Variants in MYO16 observed in about 807,000 individuals in gnomAD.
The protein encoded by MYO16 is myosin XVI.
A neutral mutation model predicts 205.3 loss-of-function variants in MYO16; 94 were observed. The ratio of observed to expected loss-of-function variants is 0.46; its 90% CI spans 0.39 to 0.54. MYO16 has a LOEUF of 0.54. Among genes scored for constraint, MYO16 ranks in the 20% least tolerant of loss-of-function variants. MYO16 has a pLI of 0.00. For missense variants in MYO16, 2,315 were observed against 2,387.5 expected, an observed-to-expected ratio of 0.97 and a Z score of 0.63; for synonymous variants, 988 against 954.0, an observed-to-expected ratio of 1.04 and a Z score of -0.66.
At chr13:108,674,006 C>A (rs1926495) in intron 2 of MYO16, among the ~76,000 whole-genome samples, 1 of 152,078 alleles carries the variant, frequency 6.6e-6, no homozygotes, top group African/African-American at 2.4e-5. Context: ...TATCAACTGT[C>A]TGCGTGTCAT....
intron 4 of MYO16, among the ~76,000 whole-genome samples, chr13:108,745,690 A>G (rs115511352): frequency 6.6e-6 from 1 of 151,482 alleles, no homozygotes; most frequent in Admixed American, 6.6e-5. Flanking sequence ...TTGAAGATAT[A>G]AAAAAAACAT....
At chr13:108,911,309 A>G (rs1226481302) in intron 16 of MYO16, among the ~76,000 whole-genome samples, 5 of 152,138 alleles carry the variant, frequency 3.3e-5, no homozygotes, top group Non-Finnish European at 7.3e-5. Context: ...ACAGGTTGGT[A>G]ATAGTTGAGG....
intron 32 of MYO16, among the ~76,000 whole-genome samples, chr13:109,147,208 G>T (rs1489734700): frequency 6.6e-6 from 1 of 151,996 alleles, no homozygotes; most frequent in East Asian, 1.9e-4. Flanking sequence ...ATTATATCAG[G>T]TAGAACTAAC....
At chr13:109,189,545 C>A (rs1304963751) in intron 34 of MYO16, among the ~76,000 whole-genome samples, 1 of 152,044 alleles carries the variant, frequency 6.6e-6, no homozygotes, top group Admixed American at 6.5e-5. Flanking sequence ...TTCAGTCTAC[C>A]CTGGTCAACC....
At chr13:108,655,061 A>G (rs975816857) in intron 1 of MYO16, among the ~76,000 whole-genome samples, 1 of 152,248 alleles carries the variant, frequency 6.6e-6, no homozygotes, top group Non-Finnish European at 1.5e-5. Flanking sequence ...AAGAAATTCA[A>G]GCTGACTGCA....
chr13:108,841,252 A>T (rs1594335609), intron 9 of MYO16, among the ~76,000 whole-genome samples: 1 of 152,336 alleles, frequency 6.6e-6, no homozygotes, highest in East Asian at 1.9e-4. Context: ...GAGAGTCCCA[A>T]AGTAAACCCA....
chr13:108,549,548 A>T, the MYO16 span, among the ~76,000 whole-genome samples: 1 of 152,172 alleles, frequency 6.6e-6, no homozygotes, highest in Non-Finnish European at 1.5e-5. Flanking sequence ...AATGCAACAT[A>T]AATAGAGTAA....
chr13:108,818,439 AAC>A (rs1875763860), intron 7 of MYO16, among the ~76,000 whole-genome samples: 2 of 148,360 alleles, frequency 1.3e-5, no homozygotes, highest in Admixed American at 1.3e-4. Flanking sequence ...TAATAAAACA[AAC>A]ACAATAATAA....
rs1883650812 is a variant in MYO16, at chr13:108,709,744, A to G, written c.293-2917A>G. Among the ~76,000 whole-genome samples, 3 of 135,176 alleles carry G rather than the reference A, an allele frequency of 2.2e-5. 1 individual carries two copies. The highest frequency in any genetic ancestry group is 4.9e-5 in the Non-Finnish European group (3 of 61,712). 88.7% of individuals were successfully genotyped at this position (135,176 alleles called of 152,430 possible). On this transcript the variant is annotated intron_variant, in intron 2 of 34. Coordinates refer to ENST00000457511, the MANE Select transcript of MYO16 (RefSeq NM_001198950.3). Reference sequence around the variant, plus strand: ...TTTTTAACCCTTAGCAGAGCCATAGAATTTAGTTCACACTACTATCTTTAT... The same window carrying G: ...TTTTTAACCCTTAGCAGAGCCATAGGATTTAGTTCACACTACTATCTTTAT...
chr13:109,140,604 C>T lies in MYO16; in HGVS notation c.4392C>T (p.Asp1464=). The T allele has an allele frequency of 2.6e-6, 4 of 1,519,804 alleles. No homozygotes were observed. The highest frequency in any genetic ancestry group is 2.0e-5 in the Admixed American group (1 of 48,798). 94.1% of individuals were successfully genotyped at this position (1,519,804 alleles called of 1,614,324 possible). The part of the protein sequence containing the change: ...YEEMKCCLPD[D]GGPGAGSFLL... ...AGATGAAGTGTTGCCTGCCCGACGA[C>T]GGCGGCCCGGGCGCGGGCTCCTTCC... The change falls in exon 32 of 35, where the codon GAC becomes GAT. Residue 1464 remains aspartate, a synonymous_variant. Transcript: ENST00000457511. This position sits in a 1 kb window ranked among gnomAD's most constrained non-coding sequence, Gnocchi z 8.0.
intron 1 of MYO16, among the ~76,000 whole-genome samples, chr13:108,641,043 C>T (rs16972866): frequency 0.068 from 10,358 of 152,204 alleles, 562 homozygotes; most frequent in African/African-American, 0.15. Context: ...ACTGGAGTTT[C>T]AAATTGACTT....
At chr13:109,186,173 A>C (rs528379012) in intron 34 of MYO16, among the ~76,000 whole-genome samples, 3 of 152,312 alleles carry the variant, frequency 2.0e-5, no homozygotes, top group African/African-American at 7.2e-5. Context: ...AAAAAAAATT[A>C]AATTAAAAAA....
intron 6 of MYO16, among the ~76,000 whole-genome samples, chr13:108,796,476 A>G (rs915118541): frequency 3.9e-5 from 6 of 152,198 alleles, no homozygotes; most frequent in African/African-American, 1.4e-4. Context: ...AGGTATGTTT[A>G]TTGTGGCACT....
chr13:108,597,497 A>G (rs1878603707), intron 1 of MYO16, among the ~76,000 whole-genome samples: 1 of 151,360 alleles, frequency 6.6e-6, no homozygotes, highest in East Asian at 1.9e-4. Flanking sequence ...TCCATCTCCT[A>G]TCACCCCATT....
upstream of MYO16, among the ~76,000 whole-genome samples, chr13:108,628,201 C>A (rs528447189): frequency 6.6e-6 from 1 of 152,166 alleles, no homozygotes; most frequent in South Asian, 2.1e-4. Flanking sequence ...CTGAAAAGCA[C>A]CCAAAATGGT....
the MYO16 span, among the ~76,000 whole-genome samples, chr13:108,518,619 T>C: frequency 6.6e-6 from 1 of 152,230 alleles, no homozygotes; most frequent in African/African-American, 2.4e-5. Context: ...TCACCATGCG[T>C]AATGTGACTT....
At chr13:109,073,516 T>C (rs1234416120) in intron 27 of MYO16, among the ~76,000 whole-genome samples, 1 of 152,154 alleles carries the variant, frequency 6.6e-6, no homozygotes, top group Non-Finnish European at 1.5e-5. Context: ...CTTTGTCCCA[T>C]TATTTAGAAA....
At chr13:109,051,518 C>T (rs571438932) in intron 24 of MYO16, among the ~76,000 whole-genome samples, 1 of 152,098 alleles carries the variant, frequency 6.6e-6, no homozygotes, top group Non-Finnish European at 1.5e-5. Context: ...TAAAAACCAC[C>T]TACATTCAGA....
intron 1 of MYO16, among the ~76,000 whole-genome samples, chr13:108,660,511 T>C (rs1881455088): frequency 1.3e-5 from 2 of 152,240 alleles, no homozygotes; most frequent in African/African-American, 4.8e-5. Context: ...GCAAGGCCTT[T>C]TACCATTATA....
Sources: gnomAD v4.1 joint callset for allele counts (sites outside exome capture counted in the v4.1 genomes callset) on GRCh38, gnomAD v4.1.1 for gene constraint, Gnocchi (gnomAD v3.1) non-coding constraint, MANE v1.5 for transcripts, NCBI Gene and HGNC (gene_info 2026-07-23, HGNC 2026-07-21) for gene names.